FLNB: variants seen among roughly 807,000 people sequenced by gnomAD.
FLNB encodes the protein filamin B.
FLNB carries 111 observed loss-of-function variants against 250.6 expected under a neutral mutation model. That is an observed-to-expected ratio of 0.44 (90% CI 0.38 to 0.52). FLNB has a LOEUF of 0.52. Among genes scored for constraint, FLNB ranks in the 20% least tolerant of loss-of-function variants. FLNB has a pLI of 0.00. For synonymous variants in FLNB, 1,302 were observed against 1,372.1 expected (o/e 0.95, Z 1.13); for missense variants, 2,869 against 3,447.8 (o/e 0.83, Z 4.20).
chr3:58,039,841 G>A (rs549898068), intron 1 of FLNB, among the ~76,000 whole-genome samples: 18 of 152,234 alleles, frequency 1.2e-4, no homozygotes, highest in South Asian at 8.3e-4. Context: ...ACGTTGTGAA[G>A]AGATGCGCAA....
chr3:58,137,355 A>G (rs1188116059), intron 28 of FLNB, among the ~76,000 whole-genome samples: 1 of 152,198 alleles, frequency 6.6e-6, no homozygotes, highest in Non-Finnish European at 1.5e-5. Context: ...CATCTTTACT[A>G]ATTGATGGCA....
chr3:58,078,420 G>A (rs1039029512), intron 2 of FLNB: 17 of 1,535,284 alleles, frequency 1.1e-5, no homozygotes, highest in South Asian at 6.0e-5. Flanking sequence ...AAAGGCACCA[G>A]GCTTTTTCCA....
At chr3:58,154,695 C>CAGACGAAACCTAGCACT in intron 39 of FLNB, 96 bp from the exon 40 acceptor site, 1 of 1,344,712 alleles carries the variant, frequency 7.4e-7, no homozygotes, top group Non-Finnish European at 1.1e-6. Flanking sequence ...GGGCTAGCAA[C>CAGACGAAACCTAGCACT]AGACGAAACC....
At chr3:58,160,325 C>G (rs1024197140) in intron 42 of FLNB, among the ~76,000 whole-genome samples, 4 of 152,260 alleles carry the variant, frequency 2.6e-5, no homozygotes, top group Admixed American at 2.0e-4. Flanking sequence ...TGCTTGGTGC[C>G]TTGGTATATG....
intron 1 of FLNB, among the ~76,000 whole-genome samples, chr3:58,043,532 C>T (rs372058148): frequency 9.9e-5 from 15 of 152,202 alleles, no homozygotes; most frequent in African/African-American, 3.4e-4. Context: ...ATCCCAGAGC[C>T]GACTGCCCCC....
At chr3:58,023,540 C>T (rs2097117744) in intron 1 of FLNB, among the ~76,000 whole-genome samples, 1 of 152,178 alleles carries the variant, frequency 6.6e-6, no homozygotes, top group Non-Finnish European at 1.5e-5. Context: ...GGGGATTTTG[C>T]TTACAGCTGC....
Position 58,153,473 on chromosome 3 carries a change from C to G in FLNB, c.6466C>G (p.Arg2156Gly). 1 of 1,614,252 alleles carries G rather than the reference C, an allele frequency of 6.2e-7. No homozygotes were observed. Residue 2156 changes from arginine (R) to glycine (G), a missense_variant, in exon 39 of 46, where the codon CGG becomes GGG. This residue lies in a region of FLNB where 1,084 missense variants were observed against 1,315.5 expected (regional missense o/e 0.82). Transcript: ENST00000295956. ...CATGGGGAAGAACTCACACTGCGTC[C>G]GGTTTGTGCCCCAGGAGATGGGCGT... is the stretch of plus-strand genomic sequence containing the variant. ...VPMGKNSHCV[R>G]FVPQEMGVHT...
At chr3:58,157,054 G>T (rs2097354501) in intron 41 of FLNB, among the ~76,000 whole-genome samples, 1 of 152,128 alleles carries the variant, frequency 6.6e-6, no homozygotes, top group Non-Finnish European at 1.5e-5. Context: ...GTGGCACACG[G>T]TTGCATAGTC....
At chr3:58,162,980 G>A in intron 42 of FLNB, 174 bp from the exon 43 acceptor site, 1 of 681,018 alleles carries the variant, frequency 1.5e-6, no homozygotes, top group Admixed American at 2.1e-5. Flanking sequence ...GGCTGATGAG[G>A]GATACCCAGG....
intron 1 of FLNB, among the ~76,000 whole-genome samples, chr3:58,053,239 CATTATT>C (rs914838696): frequency 2.3e-4 from 35 of 152,248 alleles, no homozygotes; most frequent in African/African-American, 8.2e-4. Flanking sequence ...TTCAGAAAGA[CATTATT>C]ATTATTTTTT....
intron 1 of FLNB, among the ~76,000 whole-genome samples, chr3:58,056,599 T>C (rs2097171011): frequency 6.6e-6 from 1 of 152,132 alleles, no homozygotes; most frequent in Non-Finnish European, 1.5e-5. Flanking sequence ...AACTCAGTTA[T>C]GTATTTATTT....
chr3:58,026,863 G>A (rs769791563), intron 1 of FLNB, among the ~76,000 whole-genome samples: 1 of 152,166 alleles, frequency 6.6e-6, no homozygotes, highest in Non-Finnish European at 1.5e-5. Flanking sequence ...ATTTGTGTGG[G>A]TTTTACTTCA....
At chr3:58,072,618 T>C (rs914247101) in intron 1 of FLNB, among the ~76,000 whole-genome samples, 1 of 152,228 alleles carries the variant, frequency 6.6e-6, no homozygotes, top group Admixed American at 6.5e-5. Flanking sequence ...GCCATCTTTT[T>C]ATTGTTCCAA....
At chr3:58,051,259 G>A (rs904112425) in intron 1 of FLNB, among the ~76,000 whole-genome samples, 2 of 152,188 alleles carry the variant, frequency 1.3e-5, no homozygotes, top group Non-Finnish European at 2.9e-5. Flanking sequence ...AAAGGGAGAC[G>A]CATGCCTCTT....
At chr3:58,058,351 C>T (rs765544004) in intron 1 of FLNB, among the ~76,000 whole-genome samples, 5 of 152,094 alleles carry the variant, frequency 3.3e-5, no homozygotes, top group Non-Finnish European at 7.4e-5. Flanking sequence ...AGGACGACTC[C>T]CTCTCTTTCT....
chr3:58,011,985 T>G (rs2097099543), intron 1 of FLNB, among the ~76,000 whole-genome samples: 1 of 152,046 alleles, frequency 6.6e-6, no homozygotes, highest in African/African-American at 2.4e-5. Context: ...CCAAGGTGGG[T>G]GGATCACCTG....
chr3:58,147,250 A>G (rs2097337232), intron 34 of FLNB, among the ~76,000 whole-genome samples: 1 of 152,216 alleles, frequency 6.6e-6, no homozygotes, highest in Admixed American at 6.5e-5. Flanking sequence ...TAGGGTGCAA[A>G]GAGAAAGCTC....
Position 58,135,981 on chromosome 3 carries a change from C to T in FLNB, c.4674C>T (p.Asp1558=). ...GEGLLAVQIT[D]QEGKPKRAIV... is the part of the protein sequence containing the mutation. The stretch of plus-strand genomic sequence containing the variant: ...TAGCATTTCTCTATGATCCACAGGA[C>T]CAAGAAGGAAAACCCAAAAGAGCCA... Residue 1558 remains aspartate, a splice_region_variant and synonymous_variant, in exon 28 of 46, where the codon GAC becomes GAT. Transcript: ENST00000295956. 6.2e-7 allele frequency: 1 copy of T among 1,614,026 alleles called. No homozygotes were observed.
chr3:58,145,811 T>C (rs1051194100), intron 32 of FLNB, 110 bp from the exon 33 acceptor site: 19 of 1,354,880 alleles, frequency 1.4e-5, no homozygotes, highest in African/African-American at 2.9e-5. Context: ...ATGCCTCTGC[T>C]TAGGAGGCGC....
Sources: gnomAD v4.1 joint callset for allele counts (sites outside exome capture counted in the v4.1 genomes callset) on GRCh38, gnomAD v4.1.1 for gene constraint, gnomAD v4.1.1 regional missense constraint, MANE v1.5 for transcripts, NCBI Gene and HGNC (gene_info 2026-07-23, HGNC 2026-07-21) for gene names.